ACTN2: variants seen among roughly 807,000 people sequenced by gnomAD.
ACTN2 encodes alpha-actinin-2.
In ACTN2, 39 loss-of-function variants were observed where a neutral mutation model predicts 113.8. The observed-to-expected ratio is 0.34, with a 90% CI of 0.27 to 0.45. ACTN2 has a LOEUF of 0.45. ACTN2 is among the 20% of genes least tolerant of loss of function. The pLI is 1.00. For missense variants in ACTN2, 992 were observed against 1,177.9 expected (o/e 0.84, Z 2.31); for synonymous variants, 429 against 444.1 (o/e 0.97, Z 0.43).
chr1:236,745,704 T>C (rs1435137141), intron 12 of ACTN2, among the ~76,000 whole-genome samples: 1 of 152,168 alleles, frequency 6.6e-6, no homozygotes, highest in East Asian at 1.9e-4. Flanking sequence ...TTTCTGAGCT[T>C]TCTTCAGGTC....
chr1:236,720,307 T>C, intron 4 of ACTN2, 116 bp downstream of exon 4: 2 of 832,246 alleles, frequency 2.4e-6, no homozygotes, highest in South Asian at 1.4e-5. Context: ...ATGAGAGACA[T>C]GTAAGTGGGT....
chr1:236,725,998 A>G lies in ACTN2; in HGVS notation c.514A>G (p.Asn172Asp). The G allele has an allele frequency of 6.2e-7, 1 of 1,614,130 alleles. No homozygotes were observed. The highest frequency in any genetic ancestry group is 1.1e-5 in the South Asian group (1 of 91,070). The change falls in exon 5 of 21, where the codon AAC becomes GAC. Residue 172 changes from asparagine (N) to aspartate (D), a missense_variant. Physicochemically the swap from Asn to Asp is conservative, Grantham distance 23. Around this residue, in one of 3 missense-constraint regions of ACTN2, gnomAD observed 220 missense variants for 337.5 expected, o/e 0.65. Transcript: ENST00000366578. ...GAAAACTGCTCCTTATAGAAATGTG[A>G]ACATTCAGAACTTCCATACTAGGTG... is the stretch of plus-strand genomic sequence containing the variant. ...QRKTAPYRNV[N>D]IQNFHTSWKD...
chr1:236,710,831 T>G (rs551709228), intron 1 of ACTN2, among the ~76,000 whole-genome samples: 1 of 152,314 alleles, frequency 6.6e-6, no homozygotes, highest in Admixed American at 6.5e-5. Flanking sequence ...GCGCTCTTTA[T>G]GAGAATCGAA....
intron 1 of ACTN2, among the ~76,000 whole-genome samples, chr1:236,698,266 A>T: frequency 6.6e-6 from 1 of 151,670 alleles, no homozygotes; most frequent in East Asian, 1.9e-4. Context: ...CCAAGATAGG[A>T]CTTCCTTTTT....
chr1:236,724,414 T>A lies in ACTN2; in HGVS notation c.449-1519T>A, dbSNP rs958952647. Among the ~76,000 whole-genome samples the A allele has an allele frequency of 2.6e-5, 4 of 152,202 alleles. No individual in the cohort carries two copies. The Middle Eastern group carries it at 0.01, about 388-fold the overall frequency. ...GAGGCCATACCAGAAGTGCAGGAGA[T>A]TTTTTGGGGAAAATGCCTATGCAGG... On this transcript the variant is annotated intron_variant, in intron 4 of 20. Transcript: ENST00000366578.
At chr1:236,702,709 T>A (rs1572099357) in intron 1 of ACTN2, among the ~76,000 whole-genome samples, 1 of 152,236 alleles carries the variant, frequency 6.6e-6, no homozygotes, top group Non-Finnish European at 1.5e-5. Flanking sequence ...ACATTGGAAA[T>A]GCCCAGCTTC....
At position 236,686,520 on chromosome 1, in the gene ACTN2, A is replaced by T; in HGVS notation, c.-154A>T. 1 of 827,312 alleles carries T rather than the reference A, an allele frequency of 1.2e-6. No individual in the cohort carries two copies. Among genetic ancestry groups the T allele is most frequent in the Non-Finnish European group, 1.6e-6 (1 of 623,976 alleles). 51.2% of individuals were successfully genotyped at this position (827,312 alleles called of 1,614,324 possible). On this transcript the variant is annotated 5_prime_UTR_variant, in exon 1 of 21. Coordinates refer to ENST00000366578, the MANE Select transcript of ACTN2 (RefSeq NM_001103.4). The stretch of plus-strand genomic sequence containing the variant: ...AGCCGGAGCTGGTGCTTCGCCCGAG[A>T]CCCAGCGCCCAGGCGTGTCGCCCCG...
At chr1:236,707,142 T>A (rs567951080) in intron 1 of ACTN2, among the ~76,000 whole-genome samples, 56 of 152,386 alleles carry the variant, frequency 3.7e-4, no homozygotes, top group African/African-American at 1.3e-3. Context: ...TTCAATTGCA[T>A]GGGCAATATT....
chr1:236,748,985 C>A, intron 13 of ACTN2, 139 bp from the exon 14 acceptor site: 1 of 983,774 alleles, frequency 1.0e-6, no homozygotes, highest in Non-Finnish European at 1.5e-6. Flanking sequence ...GTTTGAGCAT[C>A]GGGTAATCTT....
At chr1:236,759,062 T>C (rs531439305) in intron 18 of ACTN2, among the ~76,000 whole-genome samples, 3 of 152,346 alleles carry the variant, frequency 2.0e-5, no homozygotes, top group South Asian at 2.1e-4. Context: ...TTTTGGAGGA[T>C]TCAGACAGTG....
intron 1 of ACTN2, among the ~76,000 whole-genome samples, chr1:236,698,446 G>A (rs552352676): frequency 8.9e-4 from 135 of 152,240 alleles, no homozygotes; most frequent in African/African-American, 3.1e-3. Context: ...ATGTGTAGAG[G>A]GCAATATTTT....
At position 236,764,045 on chromosome 1, in the gene ACTN2, T is replaced by A. The variant is rs978613620; in HGVS notation, c.*1426T>A. ...ACTAGAGAAGCAGTAACATGTCTGTTACCTACAGTCTGTTTGCTCAGATTT... is the reference window on the plus strand; with the variant it reads ...ACTAGAGAAGCAGTAACATGTCTGTAACCTACAGTCTGTTTGCTCAGATTT... On this transcript the variant is annotated 3_prime_UTR_variant, in exon 21 of 21. Coordinates refer to ENST00000366578, the MANE Select transcript of ACTN2 (RefSeq NM_001103.4). 1 of 152,228 alleles carries A rather than the reference T, an allele frequency of 6.6e-6. No homozygotes were observed. The highest frequency in any genetic ancestry group is 2.4e-5 in the African/African-American group (1 of 41,458). The allele number at this position is 152,228 out of a possible 1,614,324, so 9.4% of individuals were successfully genotyped here. A position where few individuals can be genotyped will look rare whatever the true frequency, so the allele number is the denominator to read the frequency against.
At chr1:236,693,550 G>C (rs1203019286) in intron 1 of ACTN2, among the ~76,000 whole-genome samples, 1 of 152,126 alleles carries the variant, frequency 6.6e-6, no homozygotes, top group Non-Finnish European at 1.5e-5. Context: ...CTTTCTTCCA[G>C]GCGCCCAAGC....
intron 1 of ACTN2, among the ~76,000 whole-genome samples, chr1:236,687,600 G>C (rs976609135): frequency 4.6e-5 from 7 of 152,210 alleles, no homozygotes; most frequent in Admixed American, 4.6e-4. Context: ...AAGATAACGG[G>C]GTTATGGCAA....
At chr1:236,716,832 A>G (rs1007984369) in intron 1 of ACTN2, among the ~76,000 whole-genome samples, 2 of 59,168 alleles carry the variant, frequency 3.4e-5, no homozygotes, top group African/African-American at 1.1e-4. Context: ...ACACATTTTG[A>G]ACATTTTTTT....
intron 1 of ACTN2, among the ~76,000 whole-genome samples, chr1:236,712,306 C>T (rs895146250): frequency 6.6e-6 from 1 of 152,146 alleles, no homozygotes. Flanking sequence ...TCTAATAAAG[C>T]TTAAAATTCA....
intron 8 of ACTN2, chr1:236,736,682 T>G: frequency 6.8e-7 from 1 of 1,472,654 alleles, no homozygotes; most frequent in African/African-American, 1.4e-5. Flanking sequence ...TATCTGGATT[T>G]TCCTGCCCCA....
intron 4 of ACTN2, among the ~76,000 whole-genome samples, chr1:236,724,518 A>G (rs1658491225): frequency 6.6e-6 from 1 of 152,196 alleles, no homozygotes; most frequent in Non-Finnish European, 1.5e-5. Context: ...GAGAAGAGGA[A>G]GGGAGGAGGC....
At position 236,749,157 on chromosome 1, in the gene ACTN2, C is replaced by T. The variant is rs759778745; in HGVS notation, c.1549C>T (p.Leu517Phe). 29 of 1,614,060 alleles carry T rather than the reference C, an allele frequency of 1.8e-5. No homozygotes were observed. Among genetic ancestry groups the T allele is most frequent in the Non-Finnish European group, 2.5e-5 (29 of 1,180,044 alleles). ...MEKLLETIDQLHLEFAKRAAP... is the reference protein window; with the variant it reads ...MEKLLETIDQFHLEFAKRAAP... ...GAAATTGCTAGAAACCATTGATCAG[C>T]TTCACCTGGAGTTTGCCAAGAGGGC... Residue 517 changes from leucine (L) to phenylalanine (F), a missense_variant, in exon 14 of 21, where the codon CTT (leucine) becomes TTT (phenylalanine). Coordinates refer to ENST00000366578, the MANE Select transcript of ACTN2 (RefSeq NM_001103.4).
Sources: gnomAD v4.1 joint callset for allele counts (sites outside exome capture counted in the v4.1 genomes callset) on GRCh38, gnomAD v4.1.1 for gene constraint, gnomAD v4.1.1 regional missense constraint, MANE v1.5 for transcripts, NCBI Gene and HGNC (gene_info 2026-07-23, HGNC 2026-07-21) for gene names.